Variants in KIF6 observed in about 807,000 individuals in gnomAD.
The protein encoded by KIF6 is kinesin-like protein KIF6.
Under a neutral mutation model 112.7 loss-of-function variants are expected in KIF6, and 106 were observed. The ratio of observed to expected loss-of-function variants is 0.94; its 90% CI spans 0.80 to 1.11. KIF6 has a LOEUF of 1.11. Among genes scored for constraint, KIF6 ranks in the 50% least tolerant of loss-of-function variants. The probability of loss-of-function intolerance (pLI) is 0.00; values close to 1 mark genes in which losing one functional copy is unlikely to be tolerated. For missense variants in KIF6, 929 were observed against 964.0 expected (o/e 0.96, Z 0.48); for synonymous variants, 339 against 339.9 (o/e 1.00, Z 0.03).
At chr6:39,527,627 A>G (rs1293129567) in intron 13 of KIF6, among the ~76,000 whole-genome samples, 1 of 152,212 alleles carries the variant, frequency 6.6e-6, no homozygotes, top group Non-Finnish European at 1.5e-5. Context: ...TACAAAGTTA[A>G]AAGAAGTTCC....
At chr6:39,715,688 G>A (rs528718804) in intron 2 of KIF6, among the ~76,000 whole-genome samples, 5 of 151,944 alleles carry the variant, frequency 3.3e-5, no homozygotes, top group African/African-American at 9.7e-5. Flanking sequence ...TTTCAGTAGC[G>A]ACAGAGTTTA....
At chr6:39,401,259 T>G (rs113945475) in intron 15 of KIF6, among the ~76,000 whole-genome samples, 6,357 of 152,350 alleles carry the variant, frequency 0.042, 198 homozygotes, top group Non-Finnish European at 0.05. Flanking sequence ...AAAGCCTGCA[T>G]AATCCAGCTC....
At chr6:39,453,017 G>A (rs552057002) in intron 13 of KIF6, among the ~76,000 whole-genome samples, 20 of 152,126 alleles carry the variant, frequency 1.3e-4, no homozygotes, top group Non-Finnish European at 2.4e-4. Flanking sequence ...CAGTGATGAC[G>A]GATGCCTCCA....
chr6:39,619,916 T>C (rs1301137994), intron 5 of KIF6, among the ~76,000 whole-genome samples: 2 of 152,188 alleles, frequency 1.3e-5, no homozygotes, highest in African/African-American at 4.8e-5. Context: ...TAAGAATATC[T>C]TTCTGTATTA....
chr6:39,449,453 G>A (rs555931728), intron 13 of KIF6, among the ~76,000 whole-genome samples: 87 of 152,246 alleles, frequency 5.7e-4, no homozygotes, highest in African/African-American at 2.0e-3. Flanking sequence ...CTTTATACTT[G>A]CTGCTTGTTT....
At chr6:39,714,644 C>T in intron 3 of KIF6, 48 bp downstream of exon 3, 1 of 1,268,948 alleles carries the variant, frequency 7.9e-7, no homozygotes, top group Non-Finnish European at 1.2e-6. Context: ...GAATTGAAGG[C>T]AACATGAAAA....
chr6:39,360,351 T>C (rs1435780301), intron 18 of KIF6, 44 bp downstream of exon 18: 1 of 1,610,110 alleles, frequency 6.2e-7, no homozygotes, highest in Admixed American at 1.7e-5. Flanking sequence ...TGGGGCTGCA[T>C]GACTGGCCCC....
chr6:39,592,848 G>C (rs1355944682), intron 7 of KIF6, among the ~76,000 whole-genome samples: 1 of 152,214 alleles, frequency 6.6e-6, no homozygotes, highest in African/African-American at 2.4e-5. Flanking sequence ...CACCCTTTGA[G>C]CAGGTGTGAG....
At chr6:39,428,879 T>C (rs1456962178) in intron 14 of KIF6, among the ~76,000 whole-genome samples, 2 of 152,214 alleles carry the variant, frequency 1.3e-5, no homozygotes, top group African/African-American at 2.4e-5. Flanking sequence ...ACCTGTCTAC[T>C]TCCCCAGTGA....
At chr6:39,391,634 GAAAT>G (rs1046727899) in intron 15 of KIF6, among the ~76,000 whole-genome samples, 4 of 152,240 alleles carry the variant, frequency 2.6e-5, no homozygotes, top group African/African-American at 9.6e-5. Context: ...GAGAGTAAGA[GAAAT>G]AAATAAAACG....
intron 10 of KIF6, among the ~76,000 whole-genome samples, chr6:39,568,366 T>C (rs1349994589): frequency 1.3e-5 from 2 of 152,108 alleles, no homozygotes; most frequent in Non-Finnish European, 2.9e-5. Context: ...ATGAAAGAGA[T>C]GCTTGCAGGG....
chr6:39,534,430 G>C (rs1778280614), intron 13 of KIF6, among the ~76,000 whole-genome samples: 1 of 152,226 alleles, frequency 6.6e-6, no homozygotes, highest in Non-Finnish European at 1.5e-5. Context: ...AGCCTCAGGA[G>C]CTGATGCAAT....
intron 15 of KIF6, among the ~76,000 whole-genome samples, chr6:39,412,477 A>G (rs1398166640): frequency 1.3e-5 from 2 of 152,254 alleles, no homozygotes; most frequent in Non-Finnish European, 2.9e-5. Context: ...ACGTGATCAA[A>G]TACATTTTCA....
chr6:39,454,791 C>T (rs568623206), intron 13 of KIF6, among the ~76,000 whole-genome samples: 1 of 151,986 alleles, frequency 6.6e-6, no homozygotes, highest in Non-Finnish European at 1.5e-5. Flanking sequence ...CACTCCCACC[C>T]GAATATTGCG....
At chr6:39,701,990 T>C (rs1173335527) in intron 3 of KIF6, among the ~76,000 whole-genome samples, 1 of 152,236 alleles carries the variant, frequency 6.6e-6, no homozygotes, top group Non-Finnish European at 1.5e-5. Flanking sequence ...CTGATTTAAT[T>C]AGATGCTTCT....
chr6:39,406,654 T>TA (rs1769107806), intron 15 of KIF6, among the ~76,000 whole-genome samples: 1 of 152,246 alleles, frequency 6.6e-6, no homozygotes. Context: ...TGGTGGATTT[T>TA]ATTTTTATTT....
chr6:39,573,746 T>C (rs886728958), intron 10 of KIF6, among the ~76,000 whole-genome samples: 15 of 152,234 alleles, frequency 9.9e-5, no homozygotes, highest in Non-Finnish European at 1.6e-4. Context: ...AAAGTAATTA[T>C]TGATATCTCT....
intron 5 of KIF6, among the ~76,000 whole-genome samples, chr6:39,627,274 T>G (rs1784138665): frequency 6.6e-6 from 1 of 152,208 alleles, no homozygotes; most frequent in Non-Finnish European, 1.5e-5. Flanking sequence ...TCCCTATGAA[T>G]CTTTGCCTGA....
intron 3 of KIF6, among the ~76,000 whole-genome samples, chr6:39,659,097 T>A (rs1785973287): frequency 6.6e-6 from 1 of 152,126 alleles, no homozygotes; most frequent in Non-Finnish European, 1.5e-5. Flanking sequence ...CTCCAATAAA[T>A]CCTTTGTGCT....
Sources: allele counts gnomAD v4.1 joint callset (sites outside exome capture counted in the v4.1 genomes callset), GRCh38; gene constraint gnomAD v4.1.1; transcripts MANE v1.5; gene names NCBI Gene and HGNC (gene_info 2026-07-23, HGNC 2026-07-21).